The following FBXO4 variants were observed in gnomAD, a reference collection of about 807,000 sequenced individuals.
FBXO4 encodes F-box only protein 4.
A neutral mutation model predicts 43.7 loss-of-function variants in FBXO4; 36 were observed. That is an observed-to-expected ratio of 0.82 (90% CI 0.63 to 1.09). FBXO4 has a LOEUF of 1.09. Ranked by LOEUF, FBXO4 falls within the 50% of genes least tolerant of loss-of-function variation. The pLI is 0.00. For missense variants in FBXO4, 435 were observed against 474.1 expected (o/e 0.92, Z 0.77); for synonymous variants, 180 against 165.6 (o/e 1.09, Z -0.67).
intron 5 of FBXO4, 160 bp from the exon 6 acceptor site, chr5:41,939,281 A>G: frequency 1.8e-6 from 1 of 546,678 alleles, no homozygotes; most frequent in Non-Finnish European, 3.1e-6. Flanking sequence ...TTTTGCTTTT[A>G]AACTGTGGAG....
the FBXO4 span, among the ~76,000 whole-genome samples, chr5:42,004,808 G>A: frequency 2.9e-4 from 44 of 152,262 alleles, 1 homozygote; most frequent in African/African-American, 8.9e-4. Flanking sequence ...GTGAGGTAGG[G>A]TGGTGAGTTA....
chr5:41,994,218 A>C, the FBXO4 span, among the ~76,000 whole-genome samples: 1 of 152,268 alleles, frequency 6.6e-6, no homozygotes, highest in East Asian at 1.9e-4. Context: ...TAAAGTTAAC[A>C]ATACTTAAAT....
chr5:41,964,084 T>C, the FBXO4 span: 3 of 152,188 alleles, frequency 2.0e-5, no homozygotes, highest in Non-Finnish European at 4.4e-5. Flanking sequence ...TCCTCTGATG[T>C]TGACTGTTTA....
chr5:41,954,151 A>G, the FBXO4 span, among the ~76,000 whole-genome samples: 1 of 152,190 alleles, frequency 6.6e-6, no homozygotes, highest in African/African-American at 2.4e-5. Flanking sequence ...CAGTTCCTAC[A>G]ATTTTTTTTT....
At chr5:41,964,653 A>G in the FBXO4 span, among the ~76,000 whole-genome samples, 2 of 147,056 alleles carry the variant, frequency 1.4e-5, no homozygotes, top group Admixed American at 6.8e-5. Flanking sequence ...GCATTTTTTC[A>G]TGGGTCTTTT....
chr5:41,968,025 C>T, the FBXO4 span: 2 of 412,980 alleles, frequency 4.8e-6, no homozygotes, highest in South Asian at 3.9e-5. Flanking sequence ...CCTCCACCTC[C>T]TGCCGCACTT....
the FBXO4 span, among the ~76,000 whole-genome samples, chr5:42,039,066 A>T: frequency 6.6e-6 from 1 of 152,020 alleles, no homozygotes; most frequent in Admixed American, 6.6e-5. Flanking sequence ...TTCAAGAGAG[A>T]GTTTCATTTT....
chr5:41,968,887 A>T, the FBXO4 span, among the ~76,000 whole-genome samples: 1 of 152,230 alleles, frequency 6.6e-6, no homozygotes, highest in Middle Eastern at 3.4e-3. Flanking sequence ...AGTTCATGGT[A>T]TTCTTACATC....
chr5:42,003,509 T>A, the FBXO4 span, among the ~76,000 whole-genome samples: 9 of 152,168 alleles, frequency 5.9e-5, no homozygotes, highest in African/African-American at 2.2e-4. Context: ...GCTTTCTGTA[T>A]TTATTTATTT....
At chr5:41,957,466 A>G in the FBXO4 span, among the ~76,000 whole-genome samples, 2 of 148,192 alleles carry the variant, frequency 1.3e-5, no homozygotes, top group Non-Finnish European at 3.0e-5. Context: ...AATTATATTA[A>G]CTATATTAAT....
chr5:42,018,541 T>C, the FBXO4 span, among the ~76,000 whole-genome samples: 1 of 152,098 alleles, frequency 6.6e-6, no homozygotes, highest in Non-Finnish European at 1.5e-5. Context: ...TGCCAAAAAA[T>C]TGCTTATTGT....
the FBXO4 span, among the ~76,000 whole-genome samples, chr5:41,952,977 G>T: frequency 2.0e-5 from 3 of 150,766 alleles, no homozygotes; most frequent in East Asian, 5.8e-4. Flanking sequence ...TTTTGTGAAT[G>T]CTTTCATTGA....
intron 6 of FBXO4, among the ~76,000 whole-genome samples, chr5:41,939,834 ATTTTTTTTTTTTT>A (rs60238550): frequency 3.7e-4 from 29 of 79,322 alleles, no homozygotes; most frequent in East Asian, 1.4e-3. Flanking sequence ...ACAATTGGGG[ATTTTTTTTTTTTT>A]TTTTTTTTTT....
chr5:41,956,822 C>T, the FBXO4 span, among the ~76,000 whole-genome samples: 2 of 151,490 alleles, frequency 1.3e-5, no homozygotes, highest in African/African-American at 4.9e-5. Context: ...AAGTGATTCT[C>T]CTGCCTCAGC....
the FBXO4 span, among the ~76,000 whole-genome samples, chr5:41,971,905 C>T: frequency 6.6e-6 from 1 of 151,956 alleles, no homozygotes; most frequent in Admixed American, 6.6e-5. Flanking sequence ...ACTCTCTTTT[C>T]AAAGCCTAGA....
chr5:41,966,628 T>C, the FBXO4 span, among the ~76,000 whole-genome samples: 1 of 152,214 alleles, frequency 6.6e-6, no homozygotes. Context: ...CCGGTTCAGT[T>C]CTACTTAGAC....
the FBXO4 span, among the ~76,000 whole-genome samples, chr5:41,983,508 A>G: frequency 2.0e-5 from 3 of 152,150 alleles, no homozygotes; most frequent in African/African-American, 7.2e-5. Context: ...GTTTTGTGAG[A>G]GTCATCATTT....
chr5:42,026,169 A>G, the FBXO4 span, among the ~76,000 whole-genome samples: 2 of 151,834 alleles, frequency 1.3e-5, no homozygotes, highest in Non-Finnish European at 2.9e-5. Context: ...TTAATCCATA[A>G]TCATGGAATA....
chr5:41,943,486 G>T (rs1043706827), downstream of FBXO4, among the ~76,000 whole-genome samples: 1 of 152,074 alleles, frequency 6.6e-6, no homozygotes, highest in Admixed American at 6.6e-5. Flanking sequence ...ATCAAAAACT[G>T]ATGTAAGCAT....
Sources: gnomAD v4.1 joint callset for allele counts (sites outside exome capture counted in the v4.1 genomes callset) on GRCh38, gnomAD v4.1.1 for gene constraint, MANE v1.5 for transcripts, NCBI Gene and HGNC (gene_info 2026-07-23, HGNC 2026-07-21) for gene names.